The following SORCS2 variants were observed in gnomAD, a reference collection of about 807,000 sequenced individuals.
SORCS2 encodes the protein sortilin related VPS10 domain containing receptor 2.
In SORCS2, 100 loss-of-function variants were observed where a neutral mutation model predicts 141.6. That is an observed-to-expected ratio of 0.71 (90% CI 0.60 to 0.83). SORCS2 has a LOEUF of 0.83. SORCS2 is among the 40% of genes least tolerant of loss of function. The probability of loss-of-function intolerance (pLI) is 0.00; values close to 1 mark genes in which losing one functional copy is unlikely to be tolerated. For missense variants in SORCS2, 1,646 were observed against 1,560.2 expected, an observed-to-expected ratio of 1.05 and a Z score of -0.93; for synonymous variants, 789 against 676.9, an observed-to-expected ratio of 1.17 and a Z score of -2.57.
chr4:7,550,124 A>ATGTGTGTGTG (rs1446623939), intron 3 of SORCS2, among the ~76,000 whole-genome samples: 3 of 70,190 alleles, frequency 4.3e-5, no homozygotes, highest in African/African-American at 1.3e-4. Context: ...GTGTGTGTGT[A>ATGTGTGTGTG]TGTGTGTATG....
chr4:7,531,339 C>T (rs374245594), intron 2 of SORCS2, among the ~76,000 whole-genome samples, 191 bp from the exon 3 acceptor site: 31 of 152,342 alleles, frequency 2.0e-4, no homozygotes, highest in African/African-American at 7.0e-4. Flanking sequence ...CTCAGTGTTC[C>T]TGAGAGAGCC....
chr4:7,615,155 A>G (rs938869930), intron 3 of SORCS2, among the ~76,000 whole-genome samples: 7 of 151,596 alleles, frequency 4.6e-5, no homozygotes, highest in African/African-American at 1.7e-4. Flanking sequence ...TCACTCATTC[A>G]TTCATTCATT....
At chr4:7,579,074 C>T (rs962367650) in intron 3 of SORCS2, among the ~76,000 whole-genome samples, 6 of 152,056 alleles carry the variant, frequency 3.9e-5, no homozygotes, top group Admixed American at 2.6e-4. Flanking sequence ...TGGTAATGCC[C>T]ACATGTCCTC....
chr4:7,660,453 G>A (rs954609345), intron 5 of SORCS2, among the ~76,000 whole-genome samples: 9 of 152,190 alleles, frequency 5.9e-5, no homozygotes, highest in Admixed American at 5.2e-4. Flanking sequence ...TCAGCCACTT[G>A]GCAAAACTCC....
intron 1 of SORCS2, among the ~76,000 whole-genome samples, chr4:7,202,769 T>TA (rs1260429389): frequency 2.6e-5 from 4 of 152,222 alleles, no homozygotes; most frequent in African/African-American, 9.7e-5. Context: ...GACGTAGTGA[T>TA]AACATCTCCT....
At position 7,703,330 on chromosome 4, in the gene SORCS2, C is replaced by A. The variant is rs542238272; in HGVS notation, c.1719C>A (p.Ile573=). The A allele has an allele frequency of 1.4e-5, 23 of 1,613,412 alleles. No individual in the cohort carries two copies. Among genetic ancestry groups the A allele is most frequent in the Middle Eastern group, 3.3e-4 (2 of 6,058 alleles). The change falls in exon 13 of 27, where the codon ATC becomes ATA. Residue 573 remains isoleucine, a synonymous_variant. Transcript: ENST00000507866. ...TGTACCTGGACCACGGCGGCGTGAT[C>A]GTGGCCATCAAAGACACCTCCATCC... ...HILYLDHGGV[I]VAIKDTSIPL...
intron 1 of SORCS2, among the ~76,000 whole-genome samples, chr4:7,211,588 G>T (rs910316533): frequency 6.6e-6 from 1 of 152,268 alleles, no homozygotes; most frequent in African/African-American, 2.4e-5. Flanking sequence ...GGCCAGGCTG[G>T]TCTCGAACTC....
intron 1 of SORCS2, among the ~76,000 whole-genome samples, chr4:7,287,478 T>C (rs1716306318): frequency 6.6e-6 from 1 of 152,118 alleles, no homozygotes; most frequent in South Asian, 2.1e-4. Context: ...CCAGGCTGGA[T>C]GGGTGGGGAG....
chr4:7,667,881 A>G (rs1027518841), intron 8 of SORCS2, among the ~76,000 whole-genome samples: 8 of 152,218 alleles, frequency 5.3e-5, no homozygotes, highest in African/African-American at 1.9e-4. Flanking sequence ...TCAGAGAGAC[A>G]CTAACCTGTC....
intron 14 of SORCS2, among the ~76,000 whole-genome samples, chr4:7,708,260 A>C (rs1725598893): frequency 6.6e-6 from 1 of 152,194 alleles, no homozygotes; most frequent in Non-Finnish European, 1.5e-5. Flanking sequence ...TCTAGTATAG[A>C]GGCCTGGCTT....
intron 2 of SORCS2, among the ~76,000 whole-genome samples, chr4:7,461,653 A>G (rs1729319829): frequency 6.6e-6 from 1 of 152,148 alleles, no homozygotes; most frequent in Non-Finnish European, 1.5e-5. Context: ...CTGGGGTGAC[A>G]GAGAAAACCC....
chr4:7,652,376 G>A (rs1382172276), intron 4 of SORCS2, among the ~76,000 whole-genome samples: 2 of 152,166 alleles, frequency 1.3e-5, no homozygotes, highest in African/African-American at 4.8e-5. Flanking sequence ...CTCCAGGCCA[G>A]AGCACTGGGT....
intron 2 of SORCS2, chr4:7,432,693 G>C (rs1173458447): frequency 6.6e-6 from 1 of 152,212 alleles, no homozygotes; most frequent in Non-Finnish European, 1.5e-5. Flanking sequence ...CATGGGGGGG[G>C]ACTGCTCCGA....
At chr4:7,351,966 C>T (rs1720968822) in intron 1 of SORCS2, among the ~76,000 whole-genome samples, 1 of 152,126 alleles carries the variant, frequency 6.6e-6, no homozygotes, top group Admixed American at 6.5e-5. Context: ...TTGCCTACTC[C>T]CTCGCCTGTC....
chr4:7,572,135 G>A (rs780993588), intron 3 of SORCS2, among the ~76,000 whole-genome samples: 1 of 152,196 alleles, frequency 6.6e-6, no homozygotes, highest in Non-Finnish European at 1.5e-5. Context: ...AAGCTCCTCA[G>A]TTCCCTGTGA....
chr4:7,548,822 C>T (rs982486403), intron 3 of SORCS2, among the ~76,000 whole-genome samples: 5 of 152,222 alleles, frequency 3.3e-5, no homozygotes, highest in Non-Finnish European at 5.9e-5. Flanking sequence ...CAAAGAGCAG[C>T]CACATCTAAC....
intron 1 of SORCS2, among the ~76,000 whole-genome samples, chr4:7,245,093 G>T (rs1359991370): frequency 3.3e-5 from 5 of 152,124 alleles, no homozygotes; most frequent in African/African-American, 1.2e-4. Flanking sequence ...CAAACCAATG[G>T]GGTGTGGACA....
intron 2 of SORCS2, among the ~76,000 whole-genome samples, chr4:7,462,613 T>C (rs970952074): frequency 3.3e-5 from 5 of 151,768 alleles, no homozygotes; most frequent in African/African-American, 1.2e-4. Context: ...GTTTCCAGAG[T>C]GCCCTCTGCT....
chr4:7,717,244 G>GCTCTT (rs1313591213), intron 17 of SORCS2, among the ~76,000 whole-genome samples: 1 of 152,186 alleles, frequency 6.6e-6, no homozygotes, highest in Non-Finnish European at 1.5e-5. Flanking sequence ...GGCCTGGGAT[G>GCTCTT]CTCTTTCTTC....
Sources: gnomAD v4.1 joint callset for allele counts (sites outside exome capture counted in the v4.1 genomes callset) on GRCh38, gnomAD v4.1.1 for gene constraint, MANE v1.5 for transcripts, NCBI Gene and HGNC (gene_info 2026-07-23, HGNC 2026-07-21) for gene names.